UHRF1: variants seen among roughly 807,000 people sequenced by gnomAD.
The protein encoded by UHRF1 is ubiquitin like with PHD and ring finger domains 1.
UHRF1 carries 9 observed loss-of-function variants against 96.5 expected under a neutral mutation model. That is an observed-to-expected ratio of 0.09 (90% CI 0.06 to 0.16). The LOEUF (loss-of-function observed/expected upper bound fraction) is 0.16. Among genes scored for constraint, UHRF1 ranks in the 10% least tolerant of loss-of-function variants. The probability of loss-of-function intolerance (pLI) is 1.00; values close to 1 mark genes in which losing one functional copy is unlikely to be tolerated. For missense variants in UHRF1, 626 were observed against 1,131.1 expected (o/e 0.55, Z 6.40); for synonymous variants, 455 against 469.9 (o/e 0.97, Z 0.41).
intron 2 of UHRF1, among the ~76,000 whole-genome samples, chr19:4,915,520 C>G (rs542741335): frequency 6.6e-6 from 1 of 152,108 alleles, no homozygotes; most frequent in African/African-American, 2.4e-5. Context: ...TCTAGAACAG[C>G]GTGCCAACAT....
At chr19:4,911,086 C>G (rs772215982) in intron 2 of UHRF1, 48 bp downstream of exon 2, 1 of 1,457,824 alleles carries the variant, frequency 6.9e-7, no homozygotes, top group East Asian at 2.5e-5. Context: ...CCAGGCCTCG[C>G]GCCTCTGCAG....
In UHRF1 at chr19:4,955,194, A is replaced by T. The variant is rs1344848281; in HGVS notation, c.2130+372A>T. Among the ~76,000 whole-genome samples the T allele has an allele frequency of 2.6e-5, 4 of 152,112 alleles. No individual in the cohort carries two copies. The South Asian group carries it at 8.3e-4, about 31-fold the overall frequency. On this transcript the variant is annotated intron_variant, in intron 15 of 16. Transcript: ENST00000650932. ...AGCCTAGGAGTGCAAAGCGACTCAC[A>T]TCTCACAGCTCTGGGGCTGGGAGCC...
At chr19:4,919,763 G>C (rs538037681) in intron 2 of UHRF1, among the ~76,000 whole-genome samples, 2 of 151,998 alleles carry the variant, frequency 1.3e-5, no homozygotes, top group Non-Finnish European at 2.9e-5. Context: ...AATGATAGGA[G>C]ACTTTACAAA....
intron 13 of UHRF1, among the ~76,000 whole-genome samples, chr19:4,953,140 A>T (rs1021814228): frequency 7.9e-5 from 12 of 152,144 alleles, no homozygotes; most frequent in African/African-American, 2.9e-4. Flanking sequence ...TTGGCCGATT[A>T]TCTCCTCTTA....
chr19:4,926,264 G>A (rs534645780), intron 2 of UHRF1, among the ~76,000 whole-genome samples: 1 of 152,318 alleles, frequency 6.6e-6, no homozygotes, highest in South Asian at 2.1e-4. Flanking sequence ...GATGCCGTGT[G>A]AACCTGCGTG....
At chr19:4,932,548 C>T (rs1043774129) in intron 4 of UHRF1, 193 bp from the exon 5 acceptor site, 27 of 617,704 alleles carry the variant, frequency 4.4e-5, no homozygotes, top group Admixed American at 8.8e-5. Flanking sequence ...GCAGGGGACA[C>T]GGGCAACCCA....
At chr19:4,950,482 G>T in intron 11 of UHRF1, 129 bp from the exon 12 acceptor site, 1 of 972,482 alleles carries the variant, frequency 1.0e-6, no homozygotes, top group Non-Finnish European at 1.5e-6. Flanking sequence ...GACTTCAGGC[G>T]ATCTGCCTAC....
intron 10 of UHRF1, among the ~76,000 whole-genome samples, chr19:4,946,247 T>C (rs937992738): frequency 6.6e-6 from 1 of 152,084 alleles, no homozygotes; most frequent in Non-Finnish European, 1.5e-5. Flanking sequence ...CTGACGACTC[T>C]GGAGACCTCC....
chr19:4,923,148 C>T (rs2032755787), intron 2 of UHRF1, among the ~76,000 whole-genome samples: 1 of 152,342 alleles, frequency 6.6e-6, no homozygotes, highest in African/African-American at 2.4e-5. Context: ...CACCAGTTCT[C>T]ATTGGCCCTG....
chr19:4,905,743 C>G (rs554238494), upstream of UHRF1, among the ~76,000 whole-genome samples: 4 of 152,170 alleles, frequency 2.6e-5, no homozygotes, highest in East Asian at 7.8e-4. Context: ...GTCTTGATCT[C>G]CTGACCTCAG....
intron 2 of UHRF1, among the ~76,000 whole-genome samples, chr19:4,924,745 A>G (rs895538563): frequency 5.7e-4 from 87 of 151,660 alleles, no homozygotes; most frequent in African/African-American, 1.9e-3. Flanking sequence ...GTTACAGTTG[A>G]TGGCCCGATG....
At chr19:4,942,878 C>T (rs1256924589) in intron 7 of UHRF1, among the ~76,000 whole-genome samples, 1 of 152,052 alleles carries the variant, frequency 6.6e-6, no homozygotes, top group African/African-American at 2.4e-5. Context: ...GTCGAGGGTG[C>T]AGTGAACTGT....
At chr19:4,951,799 C>T (rs2033724842) in intron 13 of UHRF1, among the ~76,000 whole-genome samples, 1 of 152,036 alleles carries the variant, frequency 6.6e-6, no homozygotes, top group Non-Finnish European at 1.5e-5. Flanking sequence ...AGCCATCTCT[C>T]ACCTCCCTGT....
At chr19:4,915,463 C>T (rs577833897) in intron 2 of UHRF1, among the ~76,000 whole-genome samples, 7 of 152,338 alleles carry the variant, frequency 4.6e-5, no homozygotes, top group Middle Eastern at 3.4e-3. Context: ...ATTGTAATCC[C>T]GGTGCTTTGG....
At chr19:4,907,144 C>T (rs74321107), upstream of UHRF1, among the ~76,000 whole-genome samples, 2,214 of 152,336 alleles carry the variant, frequency 0.015, 56 homozygotes, top group African/African-American at 0.051. Context: ...GAGCCTTGCT[C>T]TGTCACCCAG....
rs1192810423 is a variant in UHRF1 at position 4,944,148 on chromosome 19, C to A, written c.1090C>A (p.Arg364=). 1.2e-6 allele frequency: 2 copies of A among 1,613,906 alleles called. No individual in the cohort carries two copies. The highest frequency in any genetic ancestry group is 1.7e-6 in the Non-Finnish European group (2 of 1,179,874). The part of the protein sequence containing the change: ...SEDEWYCPEC[R]NDASEVVLAG... ...ACCTCGCAGGTACTGCCCTGAGTGC[C>A]GGAATGATGCCAGCGAGGTGGTACT... The change falls in exon 8 of 17, where the codon CGG becomes AGG. Residue 364 remains arginine (R), a synonymous_variant. Transcript: ENST00000650932.
At chr19:4,936,832 A>G (rs904990597) in intron 5 of UHRF1, among the ~76,000 whole-genome samples, 7 of 152,016 alleles carry the variant, frequency 4.6e-5, no homozygotes, top group African/African-American at 1.7e-4. Flanking sequence ...AAAAGAAAAA[A>G]AAACAGGCTG....
chr19:4,948,119 A>C (rs971831932), intron 11 of UHRF1, among the ~76,000 whole-genome samples: 2 of 150,790 alleles, frequency 1.3e-5, no homozygotes, highest in East Asian at 2.0e-4. Context: ...AAAAAAAAAA[A>C]ACCCCTCCAA....
chr19:4,912,067 C>A (rs1325929692), intron 2 of UHRF1, among the ~76,000 whole-genome samples: 4 of 152,174 alleles, frequency 2.6e-5, no homozygotes, highest in African/African-American at 9.7e-5. Context: ...TGATTAATTT[C>A]TCTGGCTTGC....
Sources: allele counts gnomAD v4.1 joint callset (sites outside exome capture counted in the v4.1 genomes callset), GRCh38; gene constraint gnomAD v4.1.1; transcripts MANE v1.5; gene names NCBI Gene and HGNC (gene_info 2026-07-23, HGNC 2026-07-21).